The following AGAP1 variants were observed in gnomAD, a reference collection of about 807,000 sequenced individuals.
AGAP1 encodes the protein arf-GAP with GTPase, ANK repeat and PH domain-containing protein 1.
AGAP1 carries 29 observed loss-of-function variants against 105.3 expected under a neutral mutation model. The ratio of observed to expected loss-of-function variants is 0.28; its 90% confidence interval spans 0.21 to 0.38. The LOEUF is 0.38. Ranked by LOEUF, AGAP1 falls within the 10% of genes least tolerant of loss-of-function variation. The pLI is 1.00. For missense variants in AGAP1, 998 were observed against 1,165.1 expected, an observed-to-expected ratio of 0.86 and a Z score of 2.09; for synonymous variants, 509 against 485.9, an observed-to-expected ratio of 1.05 and a Z score of -0.63.
intron 16 of AGAP1, among the ~76,000 whole-genome samples, chr2:236,102,637 A>G (rs1317542270): frequency 6.6e-6 from 1 of 151,894 alleles, no homozygotes; most frequent in East Asian, 1.9e-4. Flanking sequence ...GAGCAGAATA[A>G]TAAAGGTGCC....
chr2:235,777,448 G>A lies in AGAP1; in HGVS notation c.674-20311G>A, dbSNP rs1955965233. ...AGAATTACAGGTGTGAAGCGCCCGT[G>A]TGGGGCTGATTCCCACCTGCCTCCT... On this transcript the variant is annotated intron_variant, in intron 6 of 17. Transcript: ENST00000304032. This position sits in a 1 kb window ranked among gnomAD's most constrained non-coding sequence, Gnocchi z 5.1. Among the ~76,000 whole-genome samples the A allele has an allele frequency of 6.6e-6, 1 of 152,262 alleles. No homozygotes were observed. Among genetic ancestry groups the A allele is most frequent in the South Asian group, 2.1e-4 (1 of 4,836 alleles).
intron 3 of AGAP1, among the ~76,000 whole-genome samples, chr2:235,727,508 C>T (rs768665124): frequency 1.3e-5 from 2 of 152,210 alleles, no homozygotes; most frequent in Non-Finnish European, 2.9e-5. Context: ...CTTTTACAGT[C>T]TCACTTGGGC....
rs1017977046 is a variant in AGAP1 at position 235,927,949 on chromosome 2, A to G, written c.1325-2816A>G. 6.6e-6 allele frequency among the ~76,000 whole-genome samples: 1 copy of G among 152,240 alleles called. No homozygotes were observed. Among genetic ancestry groups the G allele is most frequent in the South Asian group, 2.1e-4 (1 of 4,834 alleles). ...GGTCTGTGGACAGATGGCATGCTTA[A>G]TAATGACTTGACAGGGGTCTGATTG... is the stretch of plus-strand genomic sequence containing the variant. On this transcript the variant is annotated intron_variant, in intron 11 of 17. Coordinates refer to ENST00000304032, the MANE Select transcript of AGAP1 (RefSeq NM_001037131.3). This position sits in a 1 kb window ranked among gnomAD's most constrained non-coding sequence, Gnocchi z 4.4.
intron 1 of AGAP1, among the ~76,000 whole-genome samples, chr2:235,568,659 T>A (rs1944425007): frequency 6.6e-6 from 1 of 152,210 alleles, no homozygotes; most frequent in African/African-American, 2.4e-5. Flanking sequence ...CTGTAACAGA[T>A]TACAACATAC....
In AGAP1 at chr2:235,752,117, C is replaced by T. The variant is rs1953493262; in HGVS notation, c.673+1629C>T. ...GGCCCCTGTGAATGTTGAAGTAAAG[C>T]GTCGTAGATGAAGGGTCCCCAGGCC... On this transcript the variant is annotated intron_variant, in intron 6 of 17. Coordinates refer to ENST00000304032, the MANE Select transcript of AGAP1 (RefSeq NM_001037131.3). The surrounding 1 kb of genome is among the most constrained non-coding windows in gnomAD (Gnocchi z 4.3). Among the ~76,000 whole-genome samples, 1 of 152,294 alleles carries T rather than the reference C, an allele frequency of 6.6e-6. No individual in the cohort carries two copies.
intron 12 of AGAP1, among the ~76,000 whole-genome samples, chr2:235,950,987 A>T (rs1357645308): frequency 6.6e-6 from 1 of 151,322 alleles, no homozygotes; most frequent in East Asian, 1.9e-4. Flanking sequence ...GTGCAAACAA[A>T]GTCAGTTCTT....
intron 13 of AGAP1, among the ~76,000 whole-genome samples, chr2:235,986,849 T>C (rs2055335377): frequency 6.6e-6 from 1 of 152,198 alleles, no homozygotes; most frequent in Non-Finnish European, 1.5e-5. Flanking sequence ...ATAAGTGTTT[T>C]GATGTGCTGC....
At chr2:235,710,176 T>C (rs1468745062) in intron 2 of AGAP1, among the ~76,000 whole-genome samples, 1 of 152,150 alleles carries the variant, frequency 6.6e-6, no homozygotes, top group Non-Finnish European at 1.5e-5. Flanking sequence ...CTGCGGCCCG[T>C]GGACTCCTCC....
Position 235,701,659 on chromosome 2 carries a change from A to G in AGAP1, c.164-7520A>G, listed in dbSNP as rs1192048999. ...TCCAAATAAGAAATTAAATCCTACCATTGAAACTGTGCTGGTGAACTTCTG... is the reference window on the plus strand; with the variant it reads ...TCCAAATAAGAAATTAAATCCTACCGTTGAAACTGTGCTGGTGAACTTCTG... On this transcript the variant is annotated intron_variant, in intron 1 of 17. Coordinates refer to ENST00000304032, the MANE Select transcript of AGAP1 (RefSeq NM_001037131.3). This position sits in a 1 kb window ranked among gnomAD's most constrained non-coding sequence, Gnocchi z 4.1. Among the ~76,000 whole-genome samples, 1 of 152,204 alleles carries G rather than the reference A, an allele frequency of 6.6e-6. No individual in the cohort carries two copies. Among genetic ancestry groups the G allele is most frequent in the Non-Finnish European group, 1.5e-5 (1 of 68,040 alleles).
At chr2:235,571,683 T>A (rs1944519300) in intron 1 of AGAP1, among the ~76,000 whole-genome samples, 1 of 152,138 alleles carries the variant, frequency 6.6e-6, no homozygotes, top group Non-Finnish European at 1.5e-5. Context: ...GCAACTCACC[T>A]GGGATATGGC....
At chr2:235,923,289 T>C (rs1433813825) in intron 11 of AGAP1, among the ~76,000 whole-genome samples, 2 of 152,210 alleles carry the variant, frequency 1.3e-5, no homozygotes, top group Non-Finnish European at 1.5e-5. Flanking sequence ...TACAGCTGTT[T>C]CCTTGTACAA....
intron 9 of AGAP1, among the ~76,000 whole-genome samples, chr2:235,820,772 G>GAA (rs1958746101): frequency 1.3e-5 from 2 of 152,236 alleles, no homozygotes; most frequent in South Asian, 4.1e-4. Context: ...GGAACCACGA[G>GAA]AAGCAGATAG....
rs567753563 is a variant in AGAP1 at position 236,053,066 on chromosome 2, G to A, written c.2114+3785G>A. ...TTGTGCGTGTGTGCGGTACCATAACGTAGCGTGTTGTAGGGCGTCGAGCAG... is the reference window on the plus strand; with the variant it reads ...TTGTGCGTGTGTGCGGTACCATAACATAGCGTGTTGTAGGGCGTCGAGCAG... On this transcript the variant is annotated intron_variant, in intron 16 of 17. Coordinates refer to ENST00000304032, the MANE Select transcript of AGAP1 (RefSeq NM_001037131.3). The surrounding 1 kb of genome is among the most constrained non-coding windows in gnomAD (Gnocchi z 4.6). 2.6e-5 allele frequency among the ~76,000 whole-genome samples: 4 copies of A among 152,290 alleles called. No individual in the cohort carries two copies. The South Asian group carries it at 6.2e-4, about 24-fold the overall frequency.
At position 235,671,611 on chromosome 2, in the gene AGAP1, G is replaced by A. The variant is rs545831515; in HGVS notation, c.164-37568G>A. On this transcript the variant is annotated intron_variant, in intron 1 of 17. Transcript: ENST00000304032. ...GCTGTAAGGACACCTCACTACAGTG[G>A]TGGGGCCTGGGGTGGGACGGAGGCC... is the stretch of plus-strand genomic sequence containing the variant. Among the ~76,000 whole-genome samples the A allele has an allele frequency of 3.9e-5, 6 of 152,332 alleles. No homozygotes were observed. In the South Asian group the frequency reaches 1.2e-3, roughly 32 times the overall value.
Position 235,752,898 on chromosome 2 carries a change from C to A in AGAP1, c.673+2410C>A, listed in dbSNP as rs184716661. Among the ~76,000 whole-genome samples the A allele has an allele frequency of 2.4e-3, 360 of 152,260 alleles. 5 individuals carry two copies. Among genetic ancestry groups the A allele is most frequent in the Middle Eastern group, 3.4e-3 (1 of 294 alleles). On this transcript the variant is annotated intron_variant, in intron 6 of 17. Transcript: ENST00000304032. The surrounding 1 kb of genome is among the most constrained non-coding windows in gnomAD (Gnocchi z 4.3). Reference sequence around the variant, plus strand: ...AACAGACTTTTACTTGTCCTACTTACGGAGGATGGGAGTCCAGGGCCAGGT... The same window carrying A: ...AACAGACTTTTACTTGTCCTACTTAAGGAGGATGGGAGTCCAGGGCCAGGT...
At chr2:235,688,422 C>A (rs1575134404) in intron 1 of AGAP1, among the ~76,000 whole-genome samples, 1 of 152,142 alleles carries the variant, frequency 6.6e-6, no homozygotes, top group East Asian at 1.9e-4. Context: ...TCATGACGGT[C>A]CCCTCCACTC....
At chr2:236,066,224 ATTGTTT>A (rs745939795) in intron 16 of AGAP1, among the ~76,000 whole-genome samples, 9 of 151,846 alleles carry the variant, frequency 5.9e-5, no homozygotes, top group African/African-American at 1.2e-4. Flanking sequence ...TTTGTTTTTT[ATTGTTT>A]TTGTTTTTGT....
rs891700507 is a variant in AGAP1, at chr2:235,719,364, C to G, written c.310+1720C>G. On this transcript the variant is annotated intron_variant, in intron 3 of 17. Transcript: ENST00000304032. This position sits in a 1 kb window ranked among gnomAD's most constrained non-coding sequence, Gnocchi z 4.9. ...TCGCTGTTTTCCCTTTGGGCATTCA[C>G]AGTGTGTTCCATTGTATTTGGGCCC... is the stretch of plus-strand genomic sequence containing the variant. Among the ~76,000 whole-genome samples, 1 of 152,178 alleles carries G rather than the reference C, an allele frequency of 6.6e-6. No homozygotes were observed. Among genetic ancestry groups the G allele is most frequent in the South Asian group, 2.1e-4 (1 of 4,818 alleles).
At chr2:235,955,866 G>A (rs1048430442) in intron 12 of AGAP1, among the ~76,000 whole-genome samples, 1 of 152,118 alleles carries the variant, frequency 6.6e-6, no homozygotes, top group Non-Finnish European at 1.5e-5. Flanking sequence ...TCAGGACCCT[G>A]GACAAAGCCC....
Sources: allele counts gnomAD v4.1 joint callset (sites outside exome capture counted in the v4.1 genomes callset), GRCh38; gene constraint gnomAD v4.1.1; non-coding constraint Gnocchi (gnomAD v3.1); transcripts MANE v1.5; gene names NCBI Gene and HGNC (gene_info 2026-07-23, HGNC 2026-07-21).